Variants in CAGE1 observed in about 807,000 individuals in gnomAD.
The protein encoded by CAGE1 is cancer antigen 1, also known as cancer-associated gene 1 protein.
In CAGE1, 66 loss-of-function variants were observed where a neutral mutation model predicts 94.9. The observed-to-expected ratio is 0.70, with a 90% CI of 0.57 to 0.85. The LOEUF is 0.85. Ranked by LOEUF, CAGE1 falls within the 40% of genes least tolerant of loss-of-function variation. The pLI is 0.00. For missense variants in CAGE1, 865 were observed against 950.4 expected, an observed-to-expected ratio of 0.91 and a Z score of 1.18; for synonymous variants, 319 against 321.0, an observed-to-expected ratio of 0.99 and a Z score of 0.07.
At chr6:7,330,314 G>A (rs188560430) in intron 12 of CAGE1, among the ~76,000 whole-genome samples, 16 of 152,322 alleles carry the variant, frequency 1.1e-4, no homozygotes, top group Non-Finnish European at 1.9e-4. Flanking sequence ...TTGAGCCTGG[G>A]AGGTGGAGGC....
At chr6:7,385,933 AT>A in intron 2 of CAGE1, 61 bp from the exon 3 acceptor site, 1 of 859,062 alleles carries the variant, frequency 1.2e-6, no homozygotes, top group Non-Finnish European at 1.8e-6. Context: ...TTCTAAAGGT[AT>A]TTGCACATTG....
Position 7,326,739 on chromosome 6 carries a change from T to TTA in CAGE1, c.*117_*118dup, listed in dbSNP as rs1362391622. The TTA allele has an allele frequency of 2.7e-6, 2 of 754,560 alleles. No individual in the cohort carries two copies. The highest frequency in any genetic ancestry group is 4.7e-6 in the Non-Finnish European group (2 of 428,686). The allele number at this position is 754,560 out of a possible 1,614,324, so 46.7% of individuals were successfully genotyped here. ...AATCACATCTTTGGAATGTAAGACT[T>TTA]TACCCTTTATACAGATTTTAATATA... On this transcript the variant is annotated 3_prime_UTR_variant, in exon 14 of 14. Transcript: ENST00000502583.
At chr6:7,334,641 T>C (rs954538633) in intron 11 of CAGE1, among the ~76,000 whole-genome samples, 1 of 147,700 alleles carries the variant, frequency 6.8e-6, no homozygotes, top group Non-Finnish European at 1.5e-5. Context: ...GCTGGGAGGA[T>C]TGCTTGAGCC....
At chr6:7,337,205 T>C (rs1345726586) in intron 11 of CAGE1, among the ~76,000 whole-genome samples, 1 of 151,750 alleles carries the variant, frequency 6.6e-6, no homozygotes, top group African/African-American at 2.4e-5. Context: ...CGTGCACCTG[T>C]AGTCCCAGCT....
chr6:7,334,296 T>C (rs1010873244), intron 11 of CAGE1, among the ~76,000 whole-genome samples: 1 of 152,120 alleles, frequency 6.6e-6, no homozygotes, highest in Non-Finnish European at 1.5e-5. Context: ...TAGGTTCCAG[T>C]GGTGAAGAAG....
chr6:7,357,603 A>G (rs1344544535), intron 9 of CAGE1, among the ~76,000 whole-genome samples: 1 of 152,112 alleles, frequency 6.6e-6, no homozygotes. Flanking sequence ...ACAGAATAAT[A>G]TTTATTTTAA....
chr6:7,343,767 A>C (rs1759289188), intron 11 of CAGE1, among the ~76,000 whole-genome samples: 1 of 152,230 alleles, frequency 6.6e-6, no homozygotes, highest in South Asian at 2.1e-4. Flanking sequence ...ACCTTGAATA[A>C]CAAGGTAGCA....
intron 7 of CAGE1, among the ~76,000 whole-genome samples, chr6:7,366,924 G>A (rs1760363091): frequency 6.6e-6 from 1 of 151,568 alleles, no homozygotes; most frequent in Non-Finnish European, 1.5e-5. Context: ...GCCAAATCTG[G>A]GCGTAATTTA....
At chr6:7,330,152 C>T (rs1758696804) in intron 12 of CAGE1, among the ~76,000 whole-genome samples, 3 of 152,120 alleles carry the variant, frequency 2.0e-5, no homozygotes, top group African/African-American at 4.8e-5. Flanking sequence ...CTTTGGGAGG[C>T]CCAGGTGGGT....
At chr6:7,387,224 A>T (rs1761152210) in intron 1 of CAGE1, 28 bp from the exon 2 acceptor site, 1 of 1,389,342 alleles carries the variant, frequency 7.2e-7, no homozygotes, top group Admixed American at 2.2e-5. Flanking sequence ...GTCTATTAGT[A>T]GGTATAAACA....
intron 11 of CAGE1, among the ~76,000 whole-genome samples, chr6:7,334,404 T>C (rs148437507): frequency 2.6e-4 from 39 of 152,204 alleles, no homozygotes; most frequent in Middle Eastern, 3.4e-3. Flanking sequence ...TATGAGTAAA[T>C]CCAATATGAT....
At chr6:7,337,225 G>A (rs1247144979) in intron 11 of CAGE1, among the ~76,000 whole-genome samples, 1 of 151,672 alleles carries the variant, frequency 6.6e-6, no homozygotes, top group African/African-American at 2.4e-5. Context: ...TACTTGAGAG[G>A]CTGAGGCAGG....
chr6:7,326,819 G>T lies in CAGE1; in HGVS notation c.*39C>A. On this transcript the variant is annotated 3_prime_UTR_variant, in exon 14 of 14. Transcript: ENST00000502583. ...ATGTAGTAATGACTCTTCCTGGAGT[G>T]GTTGACAAAAATGATTACTGTTTAA... 7.2e-7 allele frequency: 1 copy of T among 1,398,384 alleles called. No individual in the cohort carries two copies. Among genetic ancestry groups the T allele is most frequent in the Non-Finnish European group, 1.0e-6 (1 of 984,116 alleles). 86.6% of individuals were successfully genotyped at this position (1,398,384 alleles called of 1,614,324 possible).
rs556121578 is a variant in CAGE1 at position 7,345,237 on chromosome 6, G to A, written c.2369+9804C>T. Among the ~76,000 whole-genome samples, 43 of 148,842 alleles carry A rather than the reference G, an allele frequency of 2.9e-4. No individual in the cohort carries two copies. In the East Asian group the frequency reaches 6.7e-3, roughly 23 times the overall value. On this transcript the variant is annotated intron_variant, in intron 11 of 13. Coordinates refer to ENST00000502583, the MANE Select transcript of CAGE1 (RefSeq NM_001170692.2). ...TTAGTATAAGCTACCAGCCTACCAA[G>A]AAGAAGGAACAACTCCAGACACGCT...
At chr6:7,386,155 G>A (rs1382743765) in intron 2 of CAGE1, among the ~76,000 whole-genome samples, 1 of 152,160 alleles carries the variant, frequency 6.6e-6, no homozygotes, top group Non-Finnish European at 1.5e-5. Context: ...ATACGTGATA[G>A]CATATTTATG....
rs1257900118 is a variant in CAGE1, at chr6:7,339,397, C to T, written c.2370-5307G>A. ...ATCCGCCGGCCCTTCTCACCAAGAA[C>T]ATTCTGTGTTCTGGTGGCTAAGACA... On this transcript the variant is annotated intron_variant, in intron 11 of 13. Transcript: ENST00000502583. This position sits in a 1 kb window ranked among gnomAD's most constrained non-coding sequence, Gnocchi z 4.7. 8.1e-6 allele frequency: 13 copies of T among 1,597,192 alleles called. No homozygotes were observed. The highest frequency in any genetic ancestry group is 5.0e-5 in the Admixed American group (3 of 60,000).
intron 13 of CAGE1, among the ~76,000 whole-genome samples, chr6:7,327,318 G>A (rs1758572059): frequency 6.6e-6 from 1 of 152,006 alleles, no homozygotes; most frequent in Admixed American, 6.6e-5. Context: ...CTCCCAAAGT[G>A]CTAGGATTAT....
intron 3 of CAGE1, among the ~76,000 whole-genome samples, chr6:7,385,408 T>G (rs1761087911): frequency 6.6e-6 from 1 of 151,822 alleles, no homozygotes; most frequent in Admixed American, 6.6e-5. Context: ...GCTCAAGCAA[T>G]CCTCCTGCCT....
Position 7,369,946 on chromosome 6 carries a change from AG to A in CAGE1, c.1865del (p.Ala622ValfsTer2). ...GGCATGTGAGAAGTCCCACCATCAG[AG>A]CCAGAAGACTGTGCATTTTGGAGGC... The part of the protein sequence containing the change: ...QLASKMHSLL[A>X]LMVGLLTCQD... On this transcript the variant is annotated frameshift_variant, in exon 6 of 14. Coordinates refer to ENST00000502583, the MANE Select transcript of CAGE1 (RefSeq NM_001170692.2). LOFTEE classifies it high-confidence loss of function. The A allele has an allele frequency of 6.2e-7, 1 of 1,613,306 alleles. No homozygotes were observed. Among genetic ancestry groups the A allele is most frequent in the Non-Finnish European group, 8.5e-7 (1 of 1,179,700 alleles).
Sources: allele counts gnomAD v4.1 joint callset (sites outside exome capture counted in the v4.1 genomes callset), GRCh38; gene constraint gnomAD v4.1.1; non-coding constraint Gnocchi (gnomAD v3.1); transcripts MANE v1.5; gene names NCBI Gene and HGNC (gene_info 2026-07-23, HGNC 2026-07-21).